The following PLXNA2 variants were observed in gnomAD, a reference collection of about 807,000 sequenced individuals.
PLXNA2 encodes plexin-A2.
A neutral mutation model predicts 193.5 loss-of-function variants in PLXNA2; 91 were observed. The ratio of observed to expected loss-of-function variants is 0.47; its 90% CI spans 0.40 to 0.56. The LOEUF (loss-of-function observed/expected upper bound fraction) is 0.56. Among genes scored for constraint, PLXNA2 ranks in the 20% least tolerant of loss-of-function variants. The pLI is 0.00. For missense variants in PLXNA2, 1,995 were observed against 2,503.2 expected, an observed-to-expected ratio of 0.80 and a Z score of 4.33; for synonymous variants, 997 against 1,027.3, an observed-to-expected ratio of 0.97 and a Z score of 0.56.
At position 208,217,341 on chromosome 1, in the gene PLXNA2, G is replaced by A. The variant is rs747193763; in HGVS notation, c.582C>T (p.Tyr194=). 6.2e-7 allele frequency: 1 copy of A among 1,614,182 alleles called. No homozygotes were observed. The highest frequency in any genetic ancestry group is 8.5e-7 in the Non-Finnish European group (1 of 1,180,022). ...IGTAVDGKQD[Y]FPTLSSRKLP... Reference sequence around the variant, plus strand: ...GCTTCCGGCTGGACAGGGTCGGGAAGTAATCCTGCTTCCCATCCACAGCCG... The same window carrying A: ...GCTTCCGGCTGGACAGGGTCGGGAAATAATCCTGCTTCCCATCCACAGCCG... The change falls in exon 2 of 32, where the codon TAC becomes TAT. Residue 194 remains tyrosine, a synonymous_variant. Coordinates refer to ENST00000367033, the MANE Select transcript of PLXNA2 (RefSeq NM_025179.4). The surrounding 1 kb of genome is among the most constrained non-coding windows in gnomAD (Gnocchi z 4.7).
chr1:208,028,337 A>G lies in PLXNA2; in HGVS notation c.5439-178T>C, dbSNP rs993227795. ...CATGCTGAGGTTGAGGCTGAAGGCC[A>G]GAGTTTCTTCAGTAGATTCCATCTA... On this transcript the variant is annotated intron_variant, in intron 30 of 31. Coordinates refer to ENST00000367033, the MANE Select transcript of PLXNA2 (RefSeq NM_025179.4). This position sits in a 1 kb window ranked among gnomAD's most constrained non-coding sequence, Gnocchi z 4.2. Among the ~76,000 whole-genome samples the G allele has an allele frequency of 6.6e-6, 1 of 152,198 alleles. No homozygotes were observed. The highest frequency in any genetic ancestry group is 2.4e-5 in the African/African-American group (1 of 41,444).
chr1:208,203,252 G>A lies in PLXNA2; in HGVS notation c.1371+7028C>T, dbSNP rs1352157113. Among the ~76,000 whole-genome samples, 3 of 152,184 alleles carry A rather than the reference G, an allele frequency of 2.0e-5. No individual in the cohort carries two copies. The South Asian group carries it at 6.2e-4, about 32-fold the overall frequency. Reference sequence around the variant, plus strand: ...TTGGCGGCGGGAGCCCGGGCAGGGAGCCAAACTCATTACTAGGGATGTGGT... The same window carrying A: ...TTGGCGGCGGGAGCCCGGGCAGGGAACCAAACTCATTACTAGGGATGTGGT... On this transcript the variant is annotated intron_variant, in intron 3 of 31. Transcript: ENST00000367033.
chr1:208,108,045 C>T (rs975868021), intron 4 of PLXNA2, among the ~76,000 whole-genome samples: 5 of 152,090 alleles, frequency 3.3e-5, no homozygotes, highest in Non-Finnish European at 5.9e-5. Context: ...CTCCTGGCCC[C>T]GGGGCCCCGC....
At chr1:208,037,131 G>A (rs771469122) in intron 26 of PLXNA2, among the ~76,000 whole-genome samples, 26 of 152,194 alleles carry the variant, frequency 1.7e-4, no homozygotes, top group Non-Finnish European at 1.3e-4. Context: ...ACTTTCGCAA[G>A]TCAGGGTTGT....
chr1:208,079,510 C>T, intron 11 of PLXNA2, 60 bp from the exon 12 acceptor site: 5 of 1,273,724 alleles, frequency 3.9e-6, no homozygotes, highest in South Asian at 1.3e-5. Context: ...AATGCACCCT[C>T]CTCTTGCAGG....
At chr1:208,237,249 T>C (rs1671891443) in intron 1 of PLXNA2, among the ~76,000 whole-genome samples, 1 of 152,108 alleles carries the variant, frequency 6.6e-6, no homozygotes, top group Non-Finnish European at 1.5e-5. Context: ...GCCCGAGGAG[T>C]GGACAGCCAA....
chr1:208,109,068 T>A (rs1349657336), intron 4 of PLXNA2, among the ~76,000 whole-genome samples: 3 of 152,174 alleles, frequency 2.0e-5, no homozygotes, highest in Non-Finnish European at 4.4e-5. Context: ...GGTACACCTG[T>A]CCTCACACGT....
At chr1:208,087,863 A>G (rs911635218) in intron 9 of PLXNA2, among the ~76,000 whole-genome samples, 3 of 152,092 alleles carry the variant, frequency 2.0e-5, no homozygotes, top group African/African-American at 7.2e-5. Context: ...TGAAGGGTTT[A>G]ATCAGATACA....
intron 3 of PLXNA2, among the ~76,000 whole-genome samples, chr1:208,154,291 A>T (rs907542137): frequency 2.0e-5 from 3 of 152,230 alleles, no homozygotes; most frequent in African/African-American, 4.8e-5. Context: ...GAAGAGAAGC[A>T]GGGCTTGGCC....
At chr1:208,042,953 C>G in intron 21 of PLXNA2, 108 bp downstream of exon 21, 1 of 1,148,194 alleles carries the variant, frequency 8.7e-7, no homozygotes, top group East Asian at 2.4e-5. Context: ...CTACTGACCC[C>G]TCTTCCCTGC....
chr1:208,216,138 G>C (rs1278196330), intron 2 of PLXNA2, among the ~76,000 whole-genome samples: 1 of 152,134 alleles, frequency 6.6e-6, no homozygotes, highest in Non-Finnish European at 1.5e-5. Context: ...CTCTGATCTG[G>C]CTGCAGTTGC....
Position 208,054,496 on chromosome 1 carries a change from G to T in PLXNA2, c.2781C>A (p.Ser927=). 2.5e-6 allele frequency: 4 copies of T among 1,614,242 alleles called. No homozygotes were observed. Among genetic ancestry groups the T allele is most frequent in the Non-Finnish European group, 3.4e-6 (4 of 1,180,024 alleles). ...CGCCAATACACAGGCGTACTGGCCC[G>T]GAGGTGGTTCCCACGAGGGCATGGC... is the stretch of plus-strand genomic sequence containing the variant. The part of the protein sequence containing the change: ...EMGHALVGTT[S]GPVRLCIGEC... Residue 927 remains serine (S), a synonymous_variant, in exon 14 of 32, where the codon TCC becomes TCA. Transcript: ENST00000367033.
At chr1:208,084,898 C>T (rs1666461527) in intron 9 of PLXNA2, among the ~76,000 whole-genome samples, 1 of 152,188 alleles carries the variant, frequency 6.6e-6, no homozygotes, top group Admixed American at 6.5e-5. Context: ...TCCCTGTCCC[C>T]AACCTGGCAC....
chr1:208,174,552 G>T (rs1571997623), intron 3 of PLXNA2, among the ~76,000 whole-genome samples: 1 of 152,154 alleles, frequency 6.6e-6, no homozygotes, highest in East Asian at 1.9e-4. Flanking sequence ...ACAAACTGAG[G>T]GGAGGAGACT....
At chr1:208,040,774 A>T (rs941825209) in intron 22 of PLXNA2, among the ~76,000 whole-genome samples, 2 of 152,180 alleles carry the variant, frequency 1.3e-5, no homozygotes, top group African/African-American at 4.8e-5. Context: ...GGGGTCTTGG[A>T]TCCCAGCCCT....
At chr1:208,150,731 G>A (rs574936375) in intron 3 of PLXNA2, among the ~76,000 whole-genome samples, 22 of 152,232 alleles carry the variant, frequency 1.4e-4, no homozygotes, top group African/African-American at 4.1e-4. Context: ...TAAGAGGAGT[G>A]GCCCCTGCTC....
At chr1:208,043,444 A>G (rs1427292353) in intron 20 of PLXNA2, among the ~76,000 whole-genome samples, 1 of 152,086 alleles carries the variant, frequency 6.6e-6, no homozygotes, top group Non-Finnish European at 1.5e-5. Context: ...CTCTTTACAT[A>G]TTACAAGTGT....
At chr1:208,063,875 G>A (rs1334384421) in intron 12 of PLXNA2, among the ~76,000 whole-genome samples, 1 of 152,166 alleles carries the variant, frequency 6.6e-6, no homozygotes, top group East Asian at 1.9e-4. Flanking sequence ...AAATCCATAA[G>A]GTTGGCGCAG....
chr1:208,202,812 A>G (rs1254566722), intron 3 of PLXNA2, among the ~76,000 whole-genome samples: 3 of 152,218 alleles, frequency 2.0e-5, no homozygotes, highest in Non-Finnish European at 2.9e-5. Context: ...GCTTGGCAAT[A>G]AAGCCCCGAG....
Sources: gnomAD v4.1 joint callset for allele counts (sites outside exome capture counted in the v4.1 genomes callset) on GRCh38, gnomAD v4.1.1 for gene constraint, Gnocchi (gnomAD v3.1) non-coding constraint, MANE v1.5 for transcripts, NCBI Gene and HGNC (gene_info 2026-07-23, HGNC 2026-07-21) for gene names.